Variants in COL23A1 observed in about 807,000 individuals in gnomAD.
COL23A1 encodes the protein collagen alpha-1(XXIII) chain.
COL23A1 carries 97 observed loss-of-function variants against 99.3 expected under a neutral mutation model. The observed-to-expected ratio is 0.98, with a 90% CI of 0.83 to 1.16. The LOEUF is 1.16. Ranked by LOEUF, COL23A1 falls within the 50% of genes most tolerant of loss-of-function variation. The pLI is 0.00. For missense variants in COL23A1, 762 were observed against 757.4 expected (o/e 1.01, Z -0.07); for synonymous variants, 320 against 308.2 (o/e 1.04, Z -0.40).
chr5:178,392,618 TG>T (rs1300587604), intron 2 of COL23A1, among the ~76,000 whole-genome samples: 1 of 152,206 alleles, frequency 6.6e-6, no homozygotes, highest in Non-Finnish European at 1.5e-5. Flanking sequence ...CCACTCAGGA[TG>T]GCAGGGTCCA....
At chr5:178,312,456 T>A (rs1758749201) in intron 2 of COL23A1, among the ~76,000 whole-genome samples, 1 of 152,098 alleles carries the variant, frequency 6.6e-6, no homozygotes, top group African/African-American at 2.4e-5. Flanking sequence ...AAAAATCTCA[T>A]CTCTGGTTGG....
At chr5:178,512,111 A>G (rs967114181) in intron 2 of COL23A1, among the ~76,000 whole-genome samples, 10 of 152,242 alleles carry the variant, frequency 6.6e-5, no homozygotes, top group African/African-American at 2.2e-4. Flanking sequence ...GTGTATGAAC[A>G]TGGCTCTTCA....
intron 18 of COL23A1, among the ~76,000 whole-genome samples, chr5:178,249,718 T>TCACTCTCTCTCTCTCTCC (rs1264297615): frequency 8.0e-5 from 4 of 49,924 alleles, no homozygotes; most frequent in Admixed American, 8.0e-4. Flanking sequence ...ACACACACAC[T>TCACTCTCTCTCTCTCTCC]CTCTCTCTCT....
chr5:178,251,803 C>A (rs896810403), intron 17 of COL23A1, among the ~76,000 whole-genome samples: 1 of 152,000 alleles, frequency 6.6e-6, no homozygotes, highest in Non-Finnish European at 1.5e-5. Context: ...TTATTCCCAT[C>A]TTTGTGTCTG....
intron 5 of COL23A1, among the ~76,000 whole-genome samples, chr5:178,273,916 C>A (rs1756437042): frequency 6.6e-6 from 1 of 152,200 alleles, no homozygotes; most frequent in African/African-American, 2.4e-5. Flanking sequence ...GAAGTTGGGC[C>A]AGCCCTCTGG....
intron 2 of COL23A1, among the ~76,000 whole-genome samples, chr5:178,504,946 T>C (rs987049505): frequency 6.6e-6 from 1 of 152,168 alleles, no homozygotes; most frequent in Admixed American, 6.5e-5. Context: ...AACTACAAGA[T>C]GGCCCCAATA....
At chr5:178,282,473 C>A (rs1412416768) in intron 5 of COL23A1, among the ~76,000 whole-genome samples, 1 of 152,194 alleles carries the variant, frequency 6.6e-6, no homozygotes. Flanking sequence ...ACTCTCCTGC[C>A]AATAAGCAGC....
At chr5:178,463,151 TG>T (rs1327205386) in intron 2 of COL23A1, among the ~76,000 whole-genome samples, 1 of 152,256 alleles carries the variant, frequency 6.6e-6, no homozygotes, top group Non-Finnish European at 1.5e-5. Flanking sequence ...TGGGCTTTTT[TG>T]CTCCAAAGAT....
chr5:178,260,175 G>A (rs1037578838), intron 11 of COL23A1, among the ~76,000 whole-genome samples: 1 of 152,182 alleles, frequency 6.6e-6, no homozygotes, highest in African/African-American at 2.4e-5. Flanking sequence ...AAGCTAACAT[G>A]GTGGGAAACC....
intron 5 of COL23A1, among the ~76,000 whole-genome samples, chr5:178,286,187 G>A (rs1179325527): frequency 1.3e-5 from 2 of 152,188 alleles, no homozygotes; most frequent in Admixed American, 6.5e-5. Context: ...CGTTGACAGG[G>A]TGCCCTCATC....
intron 5 of COL23A1, among the ~76,000 whole-genome samples, chr5:178,286,685 A>G (rs1006736122): frequency 3.9e-5 from 6 of 152,164 alleles, no homozygotes; most frequent in Admixed American, 1.3e-4. Context: ...CCGGCACCCA[A>G]CTGGGTCCTG....
rs601574 is a variant in COL23A1 at position 178,462,646 on chromosome 5, G to A, written c.361+98036C>T. Among the ~76,000 whole-genome samples the A allele has an allele frequency of 7.3e-3, 1,117 of 152,194 alleles. 14 individuals are homozygous for A. The highest frequency in any genetic ancestry group is 0.026 in the African/African-American group (1,064 of 41,518). On this transcript the variant is annotated intron_variant, in intron 2 of 28. Transcript: ENST00000390654. ...CACGACCAGGCCAAATACAAAGGTA[G>A]AACAATTTTTTAACTTAATTTTGAC...
intron 27 of COL23A1, among the ~76,000 whole-genome samples, chr5:178,241,725 C>G (rs1009339840): frequency 6.6e-6 from 1 of 152,248 alleles, no homozygotes; most frequent in Non-Finnish European, 1.5e-5. Flanking sequence ...CCACTTCCAG[C>G]CCAAGATGGC....
intron 3 of COL23A1, among the ~76,000 whole-genome samples, chr5:178,293,231 G>A (rs896557729): frequency 1.3e-5 from 2 of 152,042 alleles, no homozygotes; most frequent in Non-Finnish European, 2.9e-5. Context: ...GAGAGGATTC[G>A]GTGTGGGGGA....
intron 3 of COL23A1, among the ~76,000 whole-genome samples, chr5:178,299,785 G>C (rs1561839119): frequency 1.3e-5 from 2 of 151,582 alleles, no homozygotes; most frequent in Admixed American, 6.6e-5. Flanking sequence ...ACTGAGACTG[G>C]CTCTGTCACC....
chr5:178,522,160 G>A (rs748651987), intron 2 of COL23A1, among the ~76,000 whole-genome samples: 1 of 152,206 alleles, frequency 6.6e-6, no homozygotes, highest in African/African-American at 2.4e-5. Context: ...TTAACTGGAT[G>A]AAGGTGTCTT....
intron 1 of COL23A1, among the ~76,000 whole-genome samples, chr5:178,563,105 C>T (rs1231181855): frequency 2.0e-5 from 3 of 152,194 alleles, no homozygotes; most frequent in African/African-American, 7.2e-5. Context: ...CCTTTAGGCG[C>T]ACTCACTCCT....
In COL23A1 at chr5:178,439,693, G is replaced by A. The variant is rs1008232202; in HGVS notation, c.361+120989C>T. 2.0e-5 allele frequency: 3 copies of A among 152,196 alleles called. No individual in the cohort carries two copies. The highest frequency in any genetic ancestry group is 6.5e-5 in the Admixed American group (1 of 15,268). The allele number at this position is 152,196 out of a possible 1,614,324, so 9.4% of individuals were successfully genotyped here. On this transcript the variant is annotated intron_variant, in intron 2 of 28. Coordinates refer to ENST00000390654, the MANE Select transcript of COL23A1 (RefSeq NM_173465.4). This position sits in a 1 kb window ranked among gnomAD's most constrained non-coding sequence, Gnocchi z 4.2. ...GTTCACCATGCAGTGCAGCAACTCC[G>A]CTCCTAGGATCTCCCCGGGAGAAAT...
intron 8 of COL23A1, 38 bp downstream of exon 8, chr5:178,267,269 C>T (rs745972952): frequency 6.2e-7 from 1 of 1,611,804 alleles, no homozygotes; most frequent in Non-Finnish European, 8.5e-7. Context: ...ACAAAACAAA[C>T]CATGTGGGCA....
Sources: allele counts gnomAD v4.1 joint callset (sites outside exome capture counted in the v4.1 genomes callset), GRCh38; gene constraint gnomAD v4.1.1; non-coding constraint Gnocchi (gnomAD v3.1); transcripts MANE v1.5; gene names NCBI Gene and HGNC (gene_info 2026-07-23, HGNC 2026-07-21).